Variants in AP1G1 observed in about 807,000 individuals in gnomAD.
AP1G1 encodes the protein adaptor related protein complex 1 subunit gamma 1.
In AP1G1, 7 loss-of-function variants were observed where a neutral mutation model predicts 108.3. The observed-to-expected ratio is 0.06, with a 90% CI of 0.04 to 0.12. The LOEUF is 0.12. AP1G1 is among the 10% of genes least tolerant of loss of function. AP1G1 has a pLI of 1.00. For missense variants in AP1G1, 756 were observed against 1,010.7 expected (o/e 0.75, Z 3.42); for synonymous variants, 379 against 353.5 (o/e 1.07, Z -0.81).
At chr16:71,773,147 A>G (rs1213747945) in intron 4 of AP1G1, 74 bp downstream of exon 4, 2 of 1,534,666 alleles carry the variant, frequency 1.3e-6, no homozygotes, top group South Asian at 1.1e-5. Context: ...AGATCTTTCA[A>G]AAATGAGTAA....
At chr16:71,771,303 G>T in intron 4 of AP1G1, 51 bp from the exon 5 acceptor site, 1 of 1,081,676 alleles carries the variant, frequency 9.2e-7, no homozygotes, top group African/African-American at 1.6e-5. Flanking sequence ...TTATGCCAGG[G>T]CAACCAATCT....
At chr16:71,788,416 T>A (rs1473861544) in intron 2 of AP1G1, among the ~76,000 whole-genome samples, 1 of 152,160 alleles carries the variant, frequency 6.6e-6, no homozygotes, top group Non-Finnish European at 1.5e-5. Context: ...AGAAAGTACT[T>A]ATCATTGAGA....
At chr16:71,738,443 G>C (rs577683724) in intron 21 of AP1G1, among the ~76,000 whole-genome samples, 5 of 152,058 alleles carry the variant, frequency 3.3e-5, no homozygotes, top group African/African-American at 1.2e-4. Flanking sequence ...CACAAAAACA[G>C]TTACTGTATC....
chr16:71,795,188 CAACT>C (rs1448939427), intron 1 of AP1G1, among the ~76,000 whole-genome samples: 3 of 152,058 alleles, frequency 2.0e-5, no homozygotes, highest in African/African-American at 7.2e-5. Context: ...TACTGACAGC[CAACT>C]ATCAAGGACA....
chr16:71,733,094 T>G lies in AP1G1; in HGVS notation c.2433A>C (p.Ala811=), dbSNP rs1331302854. 1 of 1,614,206 alleles carries G rather than the reference T, an allele frequency of 6.2e-7. No individual in the cohort carries two copies. The highest frequency in any genetic ancestry group is 8.5e-7 in the Non-Finnish European group (1 of 1,180,014). Residue 811 remains alanine (A), a synonymous_variant, in exon 23 of 23, where the codon GCA becomes GCC. Coordinates refer to ENST00000299980, the MANE Select transcript of AP1G1 (RefSeq NM_001128.6). ...NHKGSAMQDL[A]EVNNFPPQSW... ...ACTGAGGGGGAAAGTTGTTCACCTC[T>G]GCTAGATCTTGCATTGCTGAGCCCT...
At chr16:71,738,844 T>C in intron 21 of AP1G1, 98 bp downstream of exon 21, 1 of 1,111,996 alleles carries the variant, frequency 9.0e-7, no homozygotes, top group South Asian at 1.6e-5. Context: ...ACAAATTTAA[T>C]CTGTAAACAT....
At chr16:71,781,914 T>C (rs1463345360) in intron 2 of AP1G1, among the ~76,000 whole-genome samples, 1 of 152,196 alleles carries the variant, frequency 6.6e-6, no homozygotes, top group Admixed American at 6.5e-5. Flanking sequence ...ATTTTGCAAA[T>C]ATGCACCACT....
At chr16:71,759,142 A>G (rs1196469684) in intron 10 of AP1G1, among the ~76,000 whole-genome samples, 2 of 152,230 alleles carry the variant, frequency 1.3e-5, no homozygotes. Context: ...TTAGATTTGT[A>G]TTCATGGTCA....
chr16:71,774,647 G>C, intron 2 of AP1G1, 55 bp from the exon 3 acceptor site: 1 of 1,524,972 alleles, frequency 6.6e-7, no homozygotes, highest in Non-Finnish European at 8.8e-7. Flanking sequence ...CCACAATCTA[G>C]AAAAGCAGTG....
In AP1G1 at chr16:71,732,459, T is replaced by C. The variant is rs955528727; in HGVS notation, c.*599A>G. 6 of 153,020 alleles carry C rather than the reference T, an allele frequency of 3.9e-5. No individual in the cohort carries two copies. The highest frequency in any genetic ancestry group is 9.6e-5 in the African/African-American group (4 of 41,456). 9.5% of individuals were successfully genotyped at this position (153,020 alleles called of 1,614,324 possible). ...ACATACATGTGTGTGTCTGTGTGTATACAGCAATGCACAGAAAAGGCTACC... is the reference window on the plus strand; with the variant it reads ...ACATACATGTGTGTGTCTGTGTGTACACAGCAATGCACAGAAAAGGCTACC... On this transcript the variant is annotated 3_prime_UTR_variant, in exon 23 of 23. Coordinates refer to ENST00000299980, the MANE Select transcript of AP1G1 (RefSeq NM_001128.6).
chr16:71,771,000 A>T (rs2031547405), intron 5 of AP1G1, 156 bp downstream of exon 5: 1 of 451,802 alleles, frequency 2.2e-6, no homozygotes, highest in Non-Finnish European at 3.9e-6. Flanking sequence ...ATGTGAGTGG[A>T]AAGACTTGTC....
intron 11 of AP1G1, chr16:71,756,451 G>A (rs779436321): frequency 7.8e-6 from 2 of 256,070 alleles, no homozygotes; most frequent in Non-Finnish European, 1.5e-5. Flanking sequence ...TTCTACAAAG[G>A]TGGAAGTTAG....
intron 19 of AP1G1, chr16:71,742,630 T>A (rs1012848857): frequency 6.6e-6 from 1 of 152,146 alleles, no homozygotes; most frequent in African/African-American, 2.4e-5. Flanking sequence ...AACAAATTGA[T>A]GTAATATTTG....
At chr16:71,764,290 C>T in intron 9 of AP1G1, 60 bp downstream of exon 9, 1 of 992,610 alleles carries the variant, frequency 1.0e-6, no homozygotes, top group Non-Finnish European at 1.5e-6. Flanking sequence ...TACTGAAGTC[C>T]AAGTCAACCA....
intron 1 of AP1G1, among the ~76,000 whole-genome samples, chr16:71,794,863 T>TTTTTTA (rs2032527895): frequency 6.9e-6 from 1 of 144,734 alleles, no homozygotes; most frequent in South Asian, 2.2e-4. Context: ...TTTTTTTTTT[T>TTTTTTA]TACTTTGAAA....
At chr16:71,808,596 C>T (rs2142299028) in intron 1 of AP1G1, 167 bp downstream of exon 1, 1 of 1,289,548 alleles carries the variant, frequency 7.8e-7, no homozygotes, top group South Asian at 1.2e-5. Flanking sequence ...TCGGAGCAGC[C>T]CCTGGGGCTC....
At chr16:71,779,229 T>G (rs2031908623) in intron 2 of AP1G1, among the ~76,000 whole-genome samples, 1 of 152,130 alleles carries the variant, frequency 6.6e-6, no homozygotes, top group Non-Finnish European at 1.5e-5. Flanking sequence ...TAGGAGAGTT[T>G]TGAAAACTAT....
At chr16:71,755,862 T>C (rs545982250) in intron 12 of AP1G1, 157 bp downstream of exon 12, 1 of 740,916 alleles carries the variant, frequency 1.3e-6, no homozygotes, top group Admixed American at 2.7e-5. Context: ...GCCAGGCTGG[T>C]CTCGAACTCC....
At chr16:71,764,596 TC>T in intron 8 of AP1G1, 49 bp downstream of exon 8, 1 of 1,417,448 alleles carries the variant, frequency 7.1e-7, no homozygotes. Context: ...ATCATTCTAC[TC>T]CCAGCGAAAC....
Sources: allele counts gnomAD v4.1 joint callset (sites outside exome capture counted in the v4.1 genomes callset), GRCh38; gene constraint gnomAD v4.1.1; transcripts MANE v1.5; gene names NCBI Gene and HGNC (gene_info 2026-07-23, HGNC 2026-07-21).